The following ANK2 variants were observed in gnomAD, a reference collection of about 807,000 sequenced individuals.
ANK2 encodes ankyrin 2.
In ANK2, 83 loss-of-function variants were observed where a neutral mutation model predicts 360.5. The ratio of observed to expected loss-of-function variants is 0.23; its 90% confidence interval spans 0.19 to 0.28. The LOEUF (loss-of-function observed/expected upper bound fraction) is 0.28. Among genes scored for constraint, ANK2 ranks in the 10% least tolerant of loss-of-function variants. The pLI is 1.00. For synonymous variants in ANK2, 1,740 were observed against 1,759.5 expected (o/e 0.99, Z 0.28); for missense variants, 4,201 against 4,795.7 (o/e 0.88, Z 3.66).
At chr4:113,157,465 T>C (rs2097345250) in intron 1 of ANK2, among the ~76,000 whole-genome samples, 1 of 152,240 alleles carries the variant, frequency 6.6e-6, no homozygotes, top group African/African-American at 2.4e-5. Flanking sequence ...TGGATTCACT[T>C]ACTGAGTATA....
intron 45 of ANK2, among the ~76,000 whole-genome samples, chr4:113,380,616 C>T (rs1333679195): frequency 7.9e-5 from 12 of 152,200 alleles, no homozygotes; most frequent in African/African-American, 1.9e-4. Flanking sequence ...GAGCCAAGAT[C>T]GCACCAATGC....
intron 2 of ANK2, among the ~76,000 whole-genome samples, chr4:113,183,895 AGAG>A (rs59797984): frequency 0.03 from 4,528 of 151,964 alleles, 225 homozygotes; most frequent in African/African-American, 0.1. Flanking sequence ...AATGGCATCA[AGAG>A]GATACAGGCT....
intron 14 of ANK2, among the ~76,000 whole-genome samples, chr4:113,266,876 T>C (rs1563282597): frequency 3.3e-5 from 5 of 150,100 alleles, no homozygotes; most frequent in Admixed American, 1.3e-4. Flanking sequence ...AAACTCTGTC[T>C]CAAAAAAAAA....
intron 1 of ANK2, among the ~76,000 whole-genome samples, chr4:113,073,823 C>T (rs2078783663): frequency 6.6e-6 from 1 of 152,190 alleles, no homozygotes; most frequent in Non-Finnish European, 1.5e-5. Context: ...ACGCAGCATG[C>T]TGGAAGCTTG....
chr4:113,060,739 T>C (rs2072875688), intron 1 of ANK2, among the ~76,000 whole-genome samples: 1 of 148,578 alleles, frequency 6.7e-6, no homozygotes, highest in Admixed American at 6.9e-5. Flanking sequence ...AAATCCAAAT[T>C]AGAAAAGTTT....
Position 113,278,450 on chromosome 4 carries a change from C to T in ANK2, c.1783-10C>T. On this transcript the variant is annotated splice_polypyrimidine_tract_variant and intron_variant, in intron 16 of 45. Transcript: ENST00000357077. ...TTATTAATGCTGAAACTTAAACACA[C>T]CCTTTACAGAACGGCCTTACCCCGC... is the stretch of plus-strand genomic sequence containing the variant. 1 of 1,613,228 alleles carries T rather than the reference C, an allele frequency of 6.2e-7. No homozygotes were observed. Among genetic ancestry groups the T allele is most frequent in the Non-Finnish European group, 8.5e-7 (1 of 1,179,306 alleles).
chr4:112,788,058 G>A, the ANK2 span: 3 of 1,169,988 alleles, frequency 2.6e-6, no homozygotes, highest in African/African-American at 1.5e-5. Flanking sequence ...TTATTTTTAT[G>A]TACAGAAAAC....
At chr4:113,285,354 TCC>T (rs1158944426) in intron 18 of ANK2, among the ~76,000 whole-genome samples, 1 of 152,030 alleles carries the variant, frequency 6.6e-6, no homozygotes, top group Non-Finnish European at 1.5e-5. Flanking sequence ...GAGGGCTCAG[TCC>T]CCAAGACTGC....
At chr4:113,294,807 G>A (rs2070128864) in intron 22 of ANK2, among the ~76,000 whole-genome samples, 1 of 152,158 alleles carries the variant, frequency 6.6e-6, no homozygotes, top group Admixed American at 6.5e-5. Flanking sequence ...AGAAAAACAG[G>A]TCTTGTCACT....
chr4:112,789,473 AG>A, the ANK2 span, among the ~76,000 whole-genome samples: 1 of 147,040 alleles, frequency 6.8e-6, no homozygotes, highest in African/African-American at 2.4e-5. Flanking sequence ...GAGACCAAGG[AG>A]GTAGAGAAAG....
At chr4:113,196,200 C>T (rs2098745195) in intron 2 of ANK2, among the ~76,000 whole-genome samples, 168 bp from the exon 3 acceptor site, 1 of 152,148 alleles carries the variant, frequency 6.6e-6, no homozygotes, top group Admixed American at 6.5e-5. Flanking sequence ...ATCAAAAACA[C>T]TGAAATTAGT....
At chr4:112,811,939 G>T in the ANK2 span, among the ~76,000 whole-genome samples, 1 of 151,582 alleles carries the variant, frequency 6.6e-6, no homozygotes, top group Non-Finnish European at 1.5e-5. Flanking sequence ...GCCAGGTGTA[G>T]TGGCGGGCGC....
At chr4:112,877,627 A>G (rs2075496592) in intron 1 of ANK2, among the ~76,000 whole-genome samples, 2 of 152,186 alleles carry the variant, frequency 1.3e-5, no homozygotes, top group Non-Finnish European at 2.9e-5. Context: ...TACTTGTTCA[A>G]AATTATTAAG....
intron 1 of ANK2, among the ~76,000 whole-genome samples, chr4:113,117,776 TTTC>T (rs1257852532): frequency 1.3e-5 from 2 of 152,304 alleles, no homozygotes; most frequent in Admixed American, 1.3e-4. Context: ...GTTAAAGTAT[TTTC>T]TTCTTCTTGT....
At chr4:112,973,907 C>T (rs1450163248) in intron 2 of ANK2, among the ~76,000 whole-genome samples, 1 of 152,108 alleles carries the variant, frequency 6.6e-6, no homozygotes, top group East Asian at 1.9e-4. Context: ...TCCAAGAAAA[C>T]CCGAAACTAC....
At chr4:113,298,493 A>T (rs1365368909) in intron 22 of ANK2, among the ~76,000 whole-genome samples, 1 of 152,190 alleles carries the variant, frequency 6.6e-6, no homozygotes, top group Non-Finnish European at 1.5e-5. Flanking sequence ...TTAAACACAC[A>T]GTTTCTTTTG....
chr4:112,958,679 C>T (rs2032796040), intron 2 of ANK2, among the ~76,000 whole-genome samples: 1 of 151,924 alleles, frequency 6.6e-6, no homozygotes, highest in South Asian at 2.1e-4. Flanking sequence ...TTTAATACTG[C>T]ATGTTAATCA....
At chr4:112,995,415 A>G (rs1007327174) in intron 2 of ANK2, among the ~76,000 whole-genome samples, 2 of 152,082 alleles carry the variant, frequency 1.3e-5, no homozygotes, top group African/African-American at 2.4e-5. Flanking sequence ...TGAGAAGTGT[A>G]TTCATGTCCT....
chr4:112,807,767 G>T, the ANK2 span, among the ~76,000 whole-genome samples: 1 of 152,118 alleles, frequency 6.6e-6, no homozygotes, highest in Non-Finnish European at 1.5e-5. Flanking sequence ...CTGGCCTTGG[G>T]CAATTCCCCA....
Sources: allele counts gnomAD v4.1 joint callset (sites outside exome capture counted in the v4.1 genomes callset), GRCh38; gene constraint gnomAD v4.1.1; transcripts MANE v1.5; gene names NCBI Gene and HGNC (gene_info 2026-07-23, HGNC 2026-07-21).